Variants in KDM4C observed in about 807,000 individuals in gnomAD.
KDM4C encodes the protein lysine-specific demethylase 4C.
In KDM4C, 81 loss-of-function variants were observed where a neutral mutation model predicts 129.3. The observed-to-expected ratio is 0.63, with a 90% CI of 0.52 to 0.75. The LOEUF (loss-of-function observed/expected upper bound fraction) is 0.75. Ranked by LOEUF, KDM4C falls within the 30% of genes least tolerant of loss-of-function variation. The pLI is 0.00. For synonymous variants in KDM4C, 573 were observed against 456.1 expected, an observed-to-expected ratio of 1.26 and a Z score of -3.26; for missense variants, 1,457 against 1,304.0, an observed-to-expected ratio of 1.12 and a Z score of -1.81.
chr9:7,108,704 A>G (rs1041905693), intron 18 of KDM4C, among the ~76,000 whole-genome samples: 3 of 152,166 alleles, frequency 2.0e-5, no homozygotes, highest in African/African-American at 7.2e-5. Context: ...ACCTATGACT[A>G]TATAACTAAT....
chr9:6,747,212 A>G (rs1410105171), intron 1 of KDM4C, among the ~76,000 whole-genome samples: 1 of 137,574 alleles, frequency 7.3e-6, no homozygotes, highest in East Asian at 2.3e-4. Flanking sequence ...AAACCAACCA[A>G]CCAACCAACC....
At chr9:6,924,610 C>T (rs1822140740) in intron 8 of KDM4C, 1 of 289,126 alleles carries the variant, frequency 3.5e-6, no homozygotes, top group Non-Finnish European at 5.2e-6. Flanking sequence ...TGTACCTTGC[C>T]CACGCCAATT....
intron 21 of KDM4C, among the ~76,000 whole-genome samples, chr9:7,174,250 A>ACCTCGTTGGGCAAGAGC (rs58627414): frequency 0.76 from 113,297 of 148,698 alleles, 42,662 homozygotes; most frequent in Middle Eastern, 0.79. Context: ...TTTGTCAAAA[A>ACCTCGTTGGGCAAGAGC]CAGAGGGGAG....
chr9:7,171,134 T>C (rs1468181075), intron 21 of KDM4C, among the ~76,000 whole-genome samples: 1 of 152,152 alleles, frequency 6.6e-6, no homozygotes, highest in Non-Finnish European at 1.5e-5. Context: ...GAACTGACTT[T>C]CCTCTCAGCT....
intron 5 of KDM4C, among the ~76,000 whole-genome samples, chr9:6,864,254 A>T (rs1373790589): frequency 1.3e-5 from 2 of 151,174 alleles, no homozygotes; most frequent in African/African-American, 4.9e-5. Context: ...TTATGTTTGA[A>T]GGACAGCTTT....
intron 15 of KDM4C, among the ~76,000 whole-genome samples, chr9:7,040,654 T>G (rs1474754534): frequency 2.6e-5 from 4 of 151,948 alleles, no homozygotes; most frequent in Admixed American, 2.0e-4. Context: ...GGTTGTTTTC[T>G]TGGGAGGTAG....
intron 5 of KDM4C, among the ~76,000 whole-genome samples, chr9:6,869,306 C>G (rs12376843): frequency 0.19 from 29,564 of 152,170 alleles, 3,592 homozygotes; most frequent in Middle Eastern, 0.38. Flanking sequence ...TTCCTTTTCT[C>G]AGGGGCTTTT....
At position 6,885,298 on chromosome 9, in the gene KDM4C, A is replaced by T. The variant is rs890703770; in HGVS notation, c.680-2662A>T. On this transcript the variant is annotated intron_variant, in intron 6 of 21. Coordinates refer to ENST00000381309, the MANE Select transcript of KDM4C (RefSeq NM_015061.6). ...TGTAGACTTGTTTTTTGCTTTTTTC[A>T]CTTAGAATAATGCTTTTCACACATG... 6.6e-5 allele frequency among the ~76,000 whole-genome samples: 10 copies of T among 152,204 alleles called. No individual in the cohort carries two copies. In the South Asian group the frequency reaches 2.1e-3, roughly 32 times the overall value.
intron 17 of KDM4C, among the ~76,000 whole-genome samples, chr9:7,057,615 T>C (rs866338057): frequency 6.7e-4 from 101 of 150,982 alleles, no homozygotes; most frequent in African/African-American, 2.4e-3. Context: ...TTAGCTGTTA[T>C]TCTCTTAAGT....
At position 6,928,599 on chromosome 9, in the gene KDM4C, C is replaced by CTT. The variant is rs34193960; in HGVS notation, c.921+35378_921+35379dup. ...GACTATAGTATATCACCTATGTCCT[C>CTT]TTTTTTTTTTTTAATAATAATGGCA... On this transcript the variant is annotated intron_variant, in intron 8 of 21. Transcript: ENST00000381309. Among the ~76,000 whole-genome samples, 171 of 144,408 alleles carry CTT rather than the reference C, an allele frequency of 1.2e-3. 1 individual carries two copies. Among genetic ancestry groups the CTT allele is most frequent in the African/African-American group, 4.0e-3 (158 of 39,654 alleles). The allele number at this position is 144,408 out of a possible 152,430, so 94.7% of individuals were successfully genotyped here. A position where few individuals can be genotyped will look rare whatever the true frequency, so the allele number is the denominator to read the frequency against.
At chr9:7,094,390 A>T (rs887827840) in intron 17 of KDM4C, among the ~76,000 whole-genome samples, 9 of 152,164 alleles carry the variant, frequency 5.9e-5, no homozygotes, top group African/African-American at 1.9e-4. Context: ...GTACATGTGC[A>T]CAACAATGAG....
chr9:6,780,019 C>G (rs1386038647), intron 1 of KDM4C, among the ~76,000 whole-genome samples: 1 of 152,114 alleles, frequency 6.6e-6, no homozygotes, highest in Non-Finnish European at 1.5e-5. Flanking sequence ...TCTTACTGGC[C>G]TACTATAGTA....
At chr9:7,124,434 T>G (rs1839827456) in intron 18 of KDM4C, among the ~76,000 whole-genome samples, 1 of 152,138 alleles carries the variant, frequency 6.6e-6, no homozygotes. Flanking sequence ...AGGTTGTGAA[T>G]GTGGCCTCCT....
intron 17 of KDM4C, among the ~76,000 whole-genome samples, chr9:7,070,395 G>A (rs1046579835): frequency 6.6e-6 from 1 of 152,018 alleles, no homozygotes; most frequent in African/African-American, 2.4e-5. Context: ...ATTGCATAGG[G>A]CCAGCATAAC....
intron 8 of KDM4C, among the ~76,000 whole-genome samples, chr9:6,944,652 G>GTTTTTTTTTTTTTTTTTTTTTTTTT (rs1158199897): frequency 1.1e-4 from 9 of 80,994 alleles, no homozygotes; most frequent in African/African-American, 1.4e-4. Flanking sequence ...CAAGGTAGAG[G>GTTTTTTTTTTTTTTTTTTTTTTTTT]TTTTTTTTTT....
At chr9:6,763,914 C>T (rs776054264) in intron 1 of KDM4C, among the ~76,000 whole-genome samples, 3 of 152,134 alleles carry the variant, frequency 2.0e-5, no homozygotes, top group Non-Finnish European at 2.9e-5. Flanking sequence ...TGCGCTACCA[C>T]GCCCAGCTAA....
At chr9:6,936,898 G>A (rs1263796302) in intron 8 of KDM4C, among the ~76,000 whole-genome samples, 1 of 152,144 alleles carries the variant, frequency 6.6e-6, no homozygotes, top group Non-Finnish European at 1.5e-5. Flanking sequence ...AAAGATTTTA[G>A]CACAGTGCCT....
chr9:6,957,794 A>G (rs976337228), intron 8 of KDM4C, among the ~76,000 whole-genome samples: 1 of 152,224 alleles, frequency 6.6e-6, no homozygotes, highest in South Asian at 2.1e-4. Context: ...CTGGGTCTGC[A>G]TACTGGCCCT....
chr9:6,956,545 G>A (rs1829098272), intron 8 of KDM4C, among the ~76,000 whole-genome samples: 1 of 152,132 alleles, frequency 6.6e-6, no homozygotes, highest in African/African-American at 2.4e-5. Context: ...ATACCCCCCT[G>A]CCTGTATTTG....
Sources: gnomAD v4.1 joint callset for allele counts (sites outside exome capture counted in the v4.1 genomes callset) on GRCh38, gnomAD v4.1.1 for gene constraint, MANE v1.5 for transcripts, NCBI Gene and HGNC (gene_info 2026-07-23, HGNC 2026-07-21) for gene names.